Variants in ZNF804B observed in about 807,000 individuals in gnomAD.
ZNF804B encodes the protein zinc finger protein 804B.
In ZNF804B, 80 loss-of-function variants were observed where a neutral mutation model predicts 101.4. The observed-to-expected ratio is 0.79, with a 90% confidence interval of 0.66 to 0.95. ZNF804B has a LOEUF of 0.95. Ranked by LOEUF, ZNF804B falls within the 40% of genes least tolerant of loss-of-function variation. The probability of loss-of-function intolerance (pLI) is 0.00; values close to 1 mark genes in which losing one functional copy is unlikely to be tolerated. For missense variants in ZNF804B, 1,673 were observed against 1,561.9 expected (o/e 1.07, Z -1.20); for synonymous variants, 622 against 558.8 (o/e 1.11, Z -1.59).
At chr7:89,009,765 C>T (rs1345129618) in intron 1 of ZNF804B, among the ~76,000 whole-genome samples, 2 of 152,206 alleles carry the variant, frequency 1.3e-5, no homozygotes, top group Non-Finnish European at 2.9e-5. Flanking sequence ...CTGGCAACTT[C>T]CTCTTGGACT....
chr7:89,296,099 A>G (rs1355603507), intron 2 of ZNF804B, among the ~76,000 whole-genome samples: 1 of 152,158 alleles, frequency 6.6e-6, no homozygotes, highest in Admixed American at 6.5e-5. Context: ...TCATCACTAT[A>G]TAATTCATCC....
chr7:89,310,351 G>GAT (rs1790632969), intron 2 of ZNF804B, among the ~76,000 whole-genome samples: 1 of 152,088 alleles, frequency 6.6e-6, no homozygotes, highest in Non-Finnish European at 1.5e-5. Context: ...CCAAGATTCT[G>GAT]ATATGTATAG....
Position 89,244,386 on chromosome 7 carries a change from C to T in ZNF804B, c.249+26091C>T, listed in dbSNP as rs571545630. On this transcript the variant is annotated intron_variant, in intron 2 of 3. Coordinates refer to ENST00000333190, the MANE Select transcript of ZNF804B (RefSeq NM_181646.5). Reference sequence around the variant, plus strand: ...GCAAACATTGTATACTTTAATATTACGAGTTTTAAAATATTAGTATATTTG... The same window carrying T: ...GCAAACATTGTATACTTTAATATTATGAGTTTTAAAATATTAGTATATTTG... Among the ~76,000 whole-genome samples, 7 of 152,136 alleles carry T rather than the reference C, an allele frequency of 4.6e-5. No individual in the cohort carries two copies. In the South Asian group the frequency reaches 6.2e-4, roughly 14 times the overall value.
At chr7:88,867,420 G>A (rs538893759) in intron 1 of ZNF804B, among the ~76,000 whole-genome samples, 2 of 152,306 alleles carry the variant, frequency 1.3e-5, no homozygotes, top group South Asian at 4.1e-4. Context: ...ATATCCAGGG[G>A]CAGGAGAAAA....
intron 1 of ZNF804B, among the ~76,000 whole-genome samples, chr7:88,988,236 C>G (rs2116147342): frequency 6.6e-6 from 1 of 151,742 alleles, no homozygotes; most frequent in Non-Finnish European, 1.5e-5. Flanking sequence ...AAGGAGCTGT[C>G]TATATCATGA....
At chr7:88,959,845 G>T (rs1256892411) in intron 1 of ZNF804B, among the ~76,000 whole-genome samples, 1 of 151,364 alleles carries the variant, frequency 6.6e-6, no homozygotes, top group Non-Finnish European at 1.5e-5. Flanking sequence ...TCCATCCCAT[G>T]CCAGGGGAAA....
intron 1 of ZNF804B, among the ~76,000 whole-genome samples, chr7:88,980,119 G>C (rs572571592): frequency 6.6e-6 from 1 of 151,548 alleles, no homozygotes; most frequent in Non-Finnish European, 1.5e-5. Flanking sequence ...ACAATGTGCA[G>C]GTTAGTTACA....
intron 1 of ZNF804B, among the ~76,000 whole-genome samples, chr7:88,807,145 AT>A (rs1790704561): frequency 6.6e-6 from 1 of 152,208 alleles, no homozygotes; most frequent in Admixed American, 6.5e-5. Flanking sequence ...AAAATGAAAT[AT>A]TTTAAGGGAA....
At position 89,156,026 on chromosome 7, in the gene ZNF804B, T is replaced by C. The variant is rs1214667362; in HGVS notation, c.109-62129T>C. Among the ~76,000 whole-genome samples, 377 of 43,156 alleles carry C rather than the reference T, an allele frequency of 8.7e-3. 4 individuals are homozygous for C. Among genetic ancestry groups the C allele is most frequent in the East Asian group, 0.051 (140 of 2,740 alleles). The allele number at this position is 43,156 out of a possible 152,430, so 28.3% of individuals were successfully genotyped here. The stretch of plus-strand genomic sequence containing the variant: ...TTCTTTCTTTCTCTCTTTCCTTTCT[T>C]TCTTTCTTTCTTTCTTTCTTTCTTT... On this transcript the variant is annotated intron_variant, in intron 1 of 3. Transcript: ENST00000333190.
chr7:89,334,109 G>T lies in ZNF804B; in HGVS notation c.1127G>T (p.Ser376Ile). Residue 376 changes from serine (S) to isoleucine (I), a missense_variant, in exon 4 of 4, where the codon AGT (serine) becomes ATT (isoleucine). By Grantham distance (142) the Ser-to-Ile change is moderately radical. Transcript: ENST00000333190. The part of the protein sequence containing the change: ...SFSPPNIYNH[S>I]DARISECLDE... ...AGCCCACCAAACATTTACAACCATA[G>T]TGATGCCAGGATATCTGAATGCCTG... The T allele has an allele frequency of 6.2e-7, 1 of 1,613,684 alleles. No individual in the cohort carries two copies. Among genetic ancestry groups the T allele is most frequent in the African/African-American group, 1.3e-5 (1 of 74,996 alleles).
Position 88,862,532 on chromosome 7 carries a change from A to T in ZNF804B, c.108+102448A>T, listed in dbSNP as rs192060348. ...CTATAGATACAACAAAATTGAAAGT[A>T]ATAGAATGTTCTAGTTGAAAATTTA... On this transcript the variant is annotated intron_variant, in intron 1 of 3. Coordinates refer to ENST00000333190, the MANE Select transcript of ZNF804B (RefSeq NM_181646.5). 1.7e-3 allele frequency among the ~76,000 whole-genome samples: 261 copies of T among 152,324 alleles called. 1 individual carries two copies. The highest frequency in any genetic ancestry group is 6.1e-3 in the African/African-American group (252 of 41,586).
At chr7:89,329,285 C>G (rs1790942559) in intron 3 of ZNF804B, among the ~76,000 whole-genome samples, 1 of 151,664 alleles carries the variant, frequency 6.6e-6, no homozygotes, top group African/African-American at 2.4e-5. Flanking sequence ...TCGTCTACTG[C>G]CCATCACCTG....
intron 1 of ZNF804B, among the ~76,000 whole-genome samples, chr7:88,870,172 G>C (rs1466991011): frequency 1.3e-5 from 2 of 151,082 alleles, no homozygotes; most frequent in Non-Finnish European, 1.5e-5. Context: ...GGATCACGAG[G>C]TCAGGAGATC....
intron 1 of ZNF804B, among the ~76,000 whole-genome samples, chr7:88,905,628 G>A (rs1338823789): frequency 6.6e-6 from 1 of 152,062 alleles, no homozygotes; most frequent in African/African-American, 2.4e-5. Flanking sequence ...CAAGTGCTGG[G>A]CTTACAGGCA....
intron 1 of ZNF804B, among the ~76,000 whole-genome samples, chr7:88,905,050 CTT>C (rs1792447463): frequency 6.6e-6 from 1 of 152,122 alleles, no homozygotes; most frequent in Non-Finnish European, 1.5e-5. Context: ...ATGTTTCCAA[CTT>C]TTGCCTGTTT....
chr7:89,034,325 A>G (rs1788887407), intron 1 of ZNF804B, among the ~76,000 whole-genome samples: 1 of 152,120 alleles, frequency 6.6e-6, no homozygotes, highest in Non-Finnish European at 1.5e-5. Flanking sequence ...CAGGTTTGTT[A>G]CATAGGTATA....
chr7:89,089,964 C>G (rs1399953858), intron 1 of ZNF804B, among the ~76,000 whole-genome samples: 2 of 151,814 alleles, frequency 1.3e-5, no homozygotes, highest in Non-Finnish European at 2.9e-5. Context: ...AAAAAATAGC[C>G]TAAGATTTTT....
intron 1 of ZNF804B, among the ~76,000 whole-genome samples, chr7:89,112,909 C>T (rs1431333708): frequency 6.6e-6 from 1 of 152,064 alleles, no homozygotes; most frequent in Non-Finnish European, 1.5e-5. Context: ...ATTTGAATTG[C>T]CAAAGGGCAA....
chr7:89,025,963 C>A (rs1363885055), intron 1 of ZNF804B, among the ~76,000 whole-genome samples: 1 of 152,086 alleles, frequency 6.6e-6, no homozygotes, highest in South Asian at 2.1e-4. Context: ...AACTCCTTAG[C>A]AAATTTATTG....
Sources: gnomAD v4.1 joint callset for allele counts (sites outside exome capture counted in the v4.1 genomes callset) on GRCh38, gnomAD v4.1.1 for gene constraint, MANE v1.5 for transcripts, NCBI Gene and HGNC (gene_info 2026-07-23, HGNC 2026-07-21) for gene names.